Variants in RIN2 observed in about 807,000 individuals in gnomAD.
The protein encoded by RIN2 is Ras and Rab interactor 2, also known as RAB5 interacting protein 2.
RIN2 carries 36 observed loss-of-function variants against 78.0 expected under a neutral mutation model. The observed-to-expected ratio is 0.46, with a 90% CI of 0.35 to 0.61. The LOEUF (loss-of-function observed/expected upper bound fraction) is 0.61, where lower values mean the gene tolerates loss of function less well. Among genes scored for constraint, RIN2 ranks in the 20% least tolerant of loss-of-function variants. RIN2 has a pLI of 0.00. For missense variants in RIN2, 1,087 were observed against 1,159.7 expected, an observed-to-expected ratio of 0.94 and a Z score of 0.91; for synonymous variants, 466 against 466.8, an observed-to-expected ratio of 1.00 and a Z score of 0.02.
At chr20:19,948,576 G>T (rs372135647) in intron 4 of RIN2, among the ~76,000 whole-genome samples, 1 of 151,934 alleles carries the variant, frequency 6.6e-6, no homozygotes, top group East Asian at 1.9e-4. Context: ...TGTACTTTTA[G>T]TAAAGACAGG....
intron 5 of RIN2, 138 bp from the exon 6 acceptor site, chr20:19,960,562 G>A: frequency 1.5e-6 from 1 of 680,934 alleles, no homozygotes; most frequent in South Asian, 1.7e-5. Flanking sequence ...CCCTTTCTAT[G>A]GCAGGAGAGT....
chr20:19,818,340 A>T (rs2035827704), intron 2 of RIN2, among the ~76,000 whole-genome samples: 1 of 152,262 alleles, frequency 6.6e-6, no homozygotes, highest in African/African-American at 2.4e-5. Context: ...ATGAGCAAAA[A>T]TGTAAACAAT....
chr20:19,906,344 G>A (rs2039217769), intron 3 of RIN2, among the ~76,000 whole-genome samples: 1 of 152,198 alleles, frequency 6.6e-6, no homozygotes, highest in African/African-American at 2.4e-5. Context: ...AGCTACCCCG[G>A]AGGCTGAGAT....
intron 2 of RIN2, among the ~76,000 whole-genome samples, chr20:19,875,941 C>T (rs2037842353): frequency 6.6e-6 from 1 of 152,186 alleles, no homozygotes; most frequent in Admixed American, 6.5e-5. Context: ...AGCAGAACTG[C>T]AGAGTGACTG....
chr20:19,830,982 C>T (rs541256839), intron 2 of RIN2, among the ~76,000 whole-genome samples: 2 of 152,338 alleles, frequency 1.3e-5, no homozygotes, highest in African/African-American at 4.8e-5. Flanking sequence ...CTGCTTCCTT[C>T]CCATTCCACA....
chr20:19,874,061 G>GGTGT lies in RIN2; in HGVS notation c.-36-15484_-36-15481dup, dbSNP rs60818960. 1.6e-3 allele frequency among the ~76,000 whole-genome samples: 236 copies of GGTGT among 150,026 alleles called. 2 individuals are homozygous for GGTGT. The highest frequency in any genetic ancestry group is 9.2e-3 in the South Asian group (43 of 4,678). On this transcript the variant is annotated intron_variant, in intron 2 of 12. Transcript: ENST00000255006. Reference sequence around the variant, plus strand: ...TTTAGTGCTGCCTTTTTCACATTTTGGTGTGTGTGTGTGTGTGTGTGTGTT... The same window carrying GGTGT: ...TTTAGTGCTGCCTTTTTCACATTTTGGTGTGTGTGTGTGTGTGTGTGTGTGTGTT...
chr20:19,913,973 C>A (rs2039580009), intron 3 of RIN2, among the ~76,000 whole-genome samples: 1 of 152,122 alleles, frequency 6.6e-6, no homozygotes. Context: ...TTAAGGGGGC[C>A]CATCTGCCCA....
intron 1 of RIN2, among the ~76,000 whole-genome samples, chr20:19,759,873 AC>A (rs2033564434): frequency 2.0e-5 from 3 of 151,730 alleles, no homozygotes; most frequent in South Asian, 4.2e-4. Context: ...AAAAAAAAGA[AC>A]CCTGCTTCAT....
intron 3 of RIN2, among the ~76,000 whole-genome samples, chr20:19,915,515 T>G (rs439326): frequency 3.9e-5 from 6 of 151,990 alleles, no homozygotes; most frequent in Admixed American, 6.6e-5. Context: ...TTCCAAGGGT[T>G]GTGGGCAGAG....
intron 2 of RIN2, among the ~76,000 whole-genome samples, chr20:19,831,237 C>T (rs867627546): frequency 3.9e-5 from 6 of 152,164 alleles, no homozygotes; most frequent in East Asian, 1.9e-4. Context: ...GAAGTAGTTT[C>T]GTTCGTCTAA....
chr20:19,832,607 T>C (rs935904166), intron 2 of RIN2, among the ~76,000 whole-genome samples: 24 of 151,800 alleles, frequency 1.6e-4, no homozygotes, highest in Non-Finnish European at 2.8e-4. Context: ...GACAGCCCCT[T>C]CCTTAGTCCC....
intron 4 of RIN2, among the ~76,000 whole-genome samples, chr20:19,955,924 T>C (rs1046688825): frequency 6.6e-6 from 1 of 152,160 alleles, no homozygotes; most frequent in African/African-American, 2.4e-5. Flanking sequence ...TTACCATCCA[T>C]GCTATTTCGC....
intron 2 of RIN2, among the ~76,000 whole-genome samples, chr20:19,817,176 T>C (rs1436699695): frequency 6.6e-6 from 1 of 152,212 alleles, no homozygotes; most frequent in Non-Finnish European, 1.5e-5. Flanking sequence ...AAATACCAAC[T>C]GGGTTGGTCC....
chr20:19,951,617 T>C (rs1490406198), intron 4 of RIN2, among the ~76,000 whole-genome samples: 1 of 150,614 alleles, frequency 6.6e-6, no homozygotes, highest in Non-Finnish European at 1.5e-5. Context: ...GACTATCCTA[T>C]TTCCTAAGTC....
intron 2 of RIN2, among the ~76,000 whole-genome samples, chr20:19,841,377 T>A (rs1407105051): frequency 6.6e-6 from 1 of 152,136 alleles, no homozygotes; most frequent in Non-Finnish European, 1.5e-5. Context: ...TTGAAGTGAA[T>A]TAAATCTATA....
Position 19,990,157 on chromosome 20 carries a change from G to C in RIN2, c.1914G>C (p.Glu638Asp), listed in dbSNP as rs1396586395. The C allele has an allele frequency of 2.5e-6, 4 of 1,603,984 alleles. No individual in the cohort carries two copies. Among genetic ancestry groups the C allele is most frequent in the Non-Finnish European group, 3.4e-6 (4 of 1,175,498 alleles). The change falls in exon 10 of 13, where the codon GAG (glutamate) becomes GAC (aspartate). Residue 638 changes from glutamate to aspartate, a missense_variant. Physicochemically the swap from Glu to Asp is conservative, Grantham distance 45 (BLOSUM62 2). Coordinates refer to ENST00000255006, the MANE Select transcript of RIN2 (RefSeq NM_018993.4). ...LQLVRQRNPQ[E>D]LGVFAPTPDF... ...TTGTGCGGCAGAGGAATCCGCAGGA[G>C]CTGGGGGTCTTCGCCCCGACCCCTG...
At chr20:19,938,732 A>G (rs561760314) in intron 4 of RIN2, among the ~76,000 whole-genome samples, 2 of 152,198 alleles carry the variant, frequency 1.3e-5, no homozygotes, top group Non-Finnish European at 2.9e-5. Context: ...TAATAGCCAC[A>G]CTATATGTAG....
intron 2 of RIN2, among the ~76,000 whole-genome samples, chr20:19,808,645 G>T (rs562790907): frequency 5.3e-5 from 8 of 152,172 alleles, no homozygotes; most frequent in African/African-American, 1.9e-4. Context: ...AGAACACTCC[G>T]CAGGGTTCCG....
rs1362271341 is a variant in RIN2, at chr20:19,951,971, G to A, written c.159-4644G>A. ...GTTTCTATGAATCTCATCAAGTTCTGTCATAGGTTGAGTTCCCTGGAAGGA... is the reference window on the plus strand; with the variant it reads ...GTTTCTATGAATCTCATCAAGTTCTATCATAGGTTGAGTTCCCTGGAAGGA... On this transcript the variant is annotated intron_variant, in intron 4 of 12. Coordinates refer to ENST00000255006, the MANE Select transcript of RIN2 (RefSeq NM_018993.4). Among the ~76,000 whole-genome samples the A allele has an allele frequency of 2.6e-5, 4 of 152,262 alleles. No homozygotes were observed. The East Asian group carries it at 7.7e-4, about 29-fold the overall frequency.
Sources: allele counts gnomAD v4.1 joint callset (sites outside exome capture counted in the v4.1 genomes callset), GRCh38; gene constraint gnomAD v4.1.1; transcripts MANE v1.5; gene names NCBI Gene and HGNC (gene_info 2026-07-23, HGNC 2026-07-21).